Variants in BICC1 observed in about 807,000 individuals in gnomAD.
BICC1 encodes the protein BicC family RNA binding protein 1, also known as protein bicaudal C homolog 1.
Under a neutral mutation model 111.0 loss-of-function variants are expected in BICC1, and 43 were observed. That is an observed-to-expected ratio of 0.39 (90% CI 0.30 to 0.50). The LOEUF (loss-of-function observed/expected upper bound fraction) is 0.50. BICC1 is among the 20% of genes least tolerant of loss of function. The pLI is 0.88. For missense variants in BICC1, 1,091 were observed against 1,203.2 expected (o/e 0.91, Z 1.38); for synonymous variants, 467 against 434.4 (o/e 1.07, Z -0.93).
chr10:58,636,961 A>C (rs1400912704), intron 2 of BICC1, among the ~76,000 whole-genome samples: 1 of 152,032 alleles, frequency 6.6e-6, no homozygotes, highest in Non-Finnish European at 1.5e-5. Context: ...GCTGGGGGGA[A>C]GGCTGTGTGG....
At chr10:58,646,372 G>A (rs1255232660) in intron 2 of BICC1, among the ~76,000 whole-genome samples, 1 of 152,110 alleles carries the variant, frequency 6.6e-6, no homozygotes, top group Non-Finnish European at 1.5e-5. Context: ...ACTTGTAGTG[G>A]TAGTAAATGA....
intron 1 of BICC1, among the ~76,000 whole-genome samples, chr10:58,514,296 G>A (rs1464151157): frequency 6.6e-6 from 1 of 152,154 alleles, no homozygotes; most frequent in Non-Finnish European, 1.5e-5. Context: ...ATACGTGTAC[G>A]GGACCAGGCG....
chr10:58,706,011 T>C (rs185429311), intron 3 of BICC1, among the ~76,000 whole-genome samples: 243 of 152,324 alleles, frequency 1.6e-3, no homozygotes, highest in Non-Finnish European at 3.0e-3. Flanking sequence ...CAAAGCAATA[T>C]TTGATATTTC....
At chr10:58,644,362 C>T (rs750383276) in intron 2 of BICC1, among the ~76,000 whole-genome samples, 2 of 152,168 alleles carry the variant, frequency 1.3e-5, no homozygotes, top group African/African-American at 2.4e-5. Context: ...GTGTGCCTGG[C>T]CCCGATTCTT....
At chr10:58,520,278 T>C (rs1482341306) in intron 1 of BICC1, among the ~76,000 whole-genome samples, 2 of 152,210 alleles carry the variant, frequency 1.3e-5, no homozygotes, top group Admixed American at 1.3e-4. Context: ...GGCGCAATTT[T>C]ATTGCTAATT....
intron 2 of BICC1, among the ~76,000 whole-genome samples, chr10:58,625,381 G>A (rs1380271424): frequency 6.6e-6 from 1 of 152,190 alleles, no homozygotes; most frequent in African/African-American, 2.4e-5. Flanking sequence ...ACTCATCAAA[G>A]CAAACTGCAT....
intron 17 of BICC1, among the ~76,000 whole-genome samples, chr10:58,813,618 CTT>C (rs1250241664): frequency 6.6e-6 from 1 of 152,168 alleles, no homozygotes; most frequent in Non-Finnish European, 1.5e-5. Context: ...AAGAAAAAGA[CTT>C]CACTGTGCAA....
intron 3 of BICC1, among the ~76,000 whole-genome samples, chr10:58,750,226 G>A (rs1043782402): frequency 5.9e-5 from 9 of 152,150 alleles, no homozygotes; most frequent in Non-Finnish European, 1.2e-4. Context: ...AGACTGTTAA[G>A]TGTAGTTGGG....
chr10:58,766,699 A>G lies in BICC1; in HGVS notation c.308-18302A>G, dbSNP rs11591503. ...GCTGGAGCAAAAAATTTAAGGAGAG[A>G]TGCATTGAAGAGGTTAAGAAGAATA... is the stretch of plus-strand genomic sequence containing the variant. On this transcript the variant is annotated intron_variant, in intron 3 of 20. Transcript: ENST00000373886. 3.2e-3 allele frequency among the ~76,000 whole-genome samples: 481 copies of G among 152,070 alleles called. 2 individuals are homozygous for G. The highest frequency in any genetic ancestry group is 5.7e-3 in the Non-Finnish European group (388 of 67,980).
At chr10:58,757,843 C>T (rs1203943175) in intron 3 of BICC1, among the ~76,000 whole-genome samples, 1 of 152,198 alleles carries the variant, frequency 6.6e-6, no homozygotes, top group Non-Finnish European at 1.5e-5. Flanking sequence ...CTGTGTACAG[C>T]TGACCTTTAC....
At chr10:58,696,390 T>C (rs1454718164) in intron 2 of BICC1, among the ~76,000 whole-genome samples, 1 of 152,160 alleles carries the variant, frequency 6.6e-6, no homozygotes, top group Non-Finnish European at 1.5e-5. Flanking sequence ...TTTCATATAT[T>C]TTAAAATTGA....
At chr10:58,809,001 C>T (rs998748991) in intron 17 of BICC1, among the ~76,000 whole-genome samples, 2 of 151,338 alleles carry the variant, frequency 1.3e-5, no homozygotes, top group African/African-American at 2.4e-5. Context: ...AGGTGTGAGC[C>T]GCCATGCCTG....
chr10:58,752,127 A>C (rs1222870332), intron 3 of BICC1, among the ~76,000 whole-genome samples: 1 of 152,148 alleles, frequency 6.6e-6, no homozygotes, highest in African/African-American at 2.4e-5. Context: ...TGGAAAAAAC[A>C]AAGAGCAAAC....
chr10:58,536,112 C>T (rs894752088), intron 1 of BICC1, among the ~76,000 whole-genome samples: 1 of 151,676 alleles, frequency 6.6e-6, no homozygotes, highest in Non-Finnish European at 1.5e-5. Context: ...CAGAGATAGA[C>T]AGAAACACAA....
In BICC1 at chr10:58,802,754, A is replaced by G. The variant is rs180868638; in HGVS notation, c.2016-323A>G. Among the ~76,000 whole-genome samples, 14 of 152,356 alleles carry G rather than the reference A, an allele frequency of 9.2e-5. No individual in the cohort carries two copies. The East Asian group carries it at 2.7e-3, about 29-fold the overall frequency. On this transcript the variant is annotated intron_variant, in intron 14 of 20. Transcript: ENST00000373886. ...CTATTCCACCTATATCATATGCAGT[A>G]TACCATATATACTATATATACTGTG... is the stretch of plus-strand genomic sequence containing the variant.
chr10:58,761,745 C>A (rs544617886), intron 3 of BICC1, among the ~76,000 whole-genome samples: 1 of 152,068 alleles, frequency 6.6e-6, no homozygotes, highest in African/African-American at 2.4e-5. Flanking sequence ...AAAGTAAGGA[C>A]TGGCATGGAA....
intron 3 of BICC1, among the ~76,000 whole-genome samples, chr10:58,723,803 G>T (rs1841014116): frequency 6.6e-6 from 1 of 152,194 alleles, no homozygotes; most frequent in African/African-American, 2.4e-5. Context: ...ATCTTAAGAG[G>T]TTGAGTGGTC....
chr10:58,536,780 T>G (rs891411966), intron 1 of BICC1, among the ~76,000 whole-genome samples: 2 of 151,568 alleles, frequency 1.3e-5, no homozygotes, highest in Non-Finnish European at 3.0e-5. Flanking sequence ...TTTGGAAAGA[T>G]AAACAAAACT....
chr10:58,529,555 T>G (rs1842627970), intron 1 of BICC1, among the ~76,000 whole-genome samples: 1 of 151,952 alleles, frequency 6.6e-6, no homozygotes, highest in African/African-American at 2.4e-5. Flanking sequence ...TTTATCTTTT[T>G]TAGTTATTTC....
Sources: allele counts gnomAD v4.1 joint callset (sites outside exome capture counted in the v4.1 genomes callset), GRCh38; gene constraint gnomAD v4.1.1; transcripts MANE v1.5; gene names NCBI Gene and HGNC (gene_info 2026-07-23, HGNC 2026-07-21).